Variants in PLB1 observed in about 807,000 individuals in gnomAD.
PLB1 encodes phospholipase B1, membrane-associated.
A neutral mutation model predicts 227.4 loss-of-function variants in PLB1; 242 were observed. The ratio of observed to expected loss-of-function variants is 1.06; its 90% CI spans 0.96 to 1.18. PLB1 has a LOEUF of 1.18. Among genes scored for constraint, PLB1 ranks in the 50% most tolerant of loss-of-function variants. PLB1 has a pLI of 0.00. For missense variants in PLB1, 1,858 were observed against 1,816.3 expected (o/e 1.02, Z -0.42); for synonymous variants, 757 against 682.2 (o/e 1.11, Z -1.71).
At chr2:28,614,459 G>A (rs565671790) in intron 44 of PLB1, among the ~76,000 whole-genome samples, 16 of 152,316 alleles carry the variant, frequency 1.1e-4, no homozygotes, top group Admixed American at 9.8e-4. Flanking sequence ...GGCTGAGTGG[G>A]AGGGAACTAC....
intron 1 of PLB1, among the ~76,000 whole-genome samples, chr2:28,511,207 A>G (rs544311288): frequency 1.3e-5 from 2 of 152,270 alleles, no homozygotes; most frequent in South Asian, 4.1e-4. Flanking sequence ...AAAATATATT[A>G]TTTTTATTTA....
At chr2:28,498,340 C>T (rs1188609722) in intron 1 of PLB1, among the ~76,000 whole-genome samples, 1 of 151,688 alleles carries the variant, frequency 6.6e-6, no homozygotes, top group Non-Finnish European at 1.5e-5. Context: ...CCTCCCACCT[C>T]AGCCTCCCAA....
intron 1 of PLB1, 129 bp from the exon 2 acceptor site, chr2:28,516,679 T>G: frequency 1.3e-6 from 1 of 768,972 alleles, no homozygotes; most frequent in South Asian, 1.8e-5. Context: ...GAATCTGGGC[T>G]TCCCTAACAC....
At chr2:28,581,941 A>T in intron 23 of PLB1, 127 bp from the exon 24 acceptor site, 1 of 805,050 alleles carries the variant, frequency 1.2e-6, no homozygotes. Flanking sequence ...AGCCCGGGAG[A>T]CAGAGTGAGA....
chr2:28,575,311 C>G (rs1204679885), intron 21 of PLB1, among the ~76,000 whole-genome samples: 1 of 152,076 alleles, frequency 6.6e-6, no homozygotes, highest in Non-Finnish European at 1.5e-5. Flanking sequence ...TGTATATCTT[C>G]TTTTTAGAAT....
intron 21 of PLB1, among the ~76,000 whole-genome samples, chr2:28,573,597 C>A (rs999333841): frequency 6.6e-6 from 1 of 152,228 alleles, no homozygotes; most frequent in East Asian, 1.9e-4. Context: ...TAAGCAGGCT[C>A]ACTCTGCGTC....
chr2:28,547,465 CTT>C lies in PLB1; in HGVS notation c.937-1393_937-1392del, dbSNP rs1395162495. 2.0e-5 allele frequency among the ~76,000 whole-genome samples: 3 copies of C among 152,234 alleles called. No individual in the cohort carries two copies. The East Asian group carries it at 5.8e-4, about 29-fold the overall frequency. On this transcript the variant is annotated intron_variant, in intron 14 of 57. Transcript: ENST00000327757. ...TAATTATACCTCCTTATCTGATTCT[CTT>C]TCAGTCTGGCTGAAGAGCCAATTCC...
chr2:28,590,170 GC>G, intron 29 of PLB1, 94 bp downstream of exon 29: 1 of 1,087,654 alleles, frequency 9.2e-7, no homozygotes. Context: ...AGCTCTGCCT[GC>G]CCACCCACCC....
At chr2:28,574,334 T>TTAC (rs1678523325) in intron 21 of PLB1, among the ~76,000 whole-genome samples, 1 of 43,406 alleles carries the variant, frequency 2.3e-5, no homozygotes, top group African/African-American at 6.9e-5. Context: ...CTTTAATCCC[T>TTAC]CACCCCCCCC....
chr2:28,504,382 C>T (rs548744981), intron 1 of PLB1, among the ~76,000 whole-genome samples: 13 of 152,122 alleles, frequency 8.5e-5, no homozygotes, highest in Middle Eastern at 6.8e-3. Flanking sequence ...GGTTTCTTAC[C>T]AAATTGGTAA....
At chr2:28,625,648 C>G (rs1310535552) in intron 50 of PLB1, among the ~76,000 whole-genome samples, 1 of 152,142 alleles carries the variant, frequency 6.6e-6, no homozygotes, top group African/African-American at 2.4e-5. Context: ...CCACGCTGGG[C>G]TCTTCCTCCA....
Position 28,496,727 on chromosome 2 carries a change from C to G in PLB1, c.55+558C>G, listed in dbSNP as rs185227378. 3.3e-5 allele frequency among the ~76,000 whole-genome samples: 5 copies of G among 152,326 alleles called. No individual in the cohort carries two copies. The East Asian group carries it at 5.8e-4, about 18-fold the overall frequency. ...AACCAGCCAGGGCTTTCCATTCCCCCCAACATTAATGACTGTGGGTAGATT... is the reference window on the plus strand; with the variant it reads ...AACCAGCCAGGGCTTTCCATTCCCCGCAACATTAATGACTGTGGGTAGATT... On this transcript the variant is annotated intron_variant, in intron 1 of 57. Transcript: ENST00000327757.
intron 20 of PLB1, among the ~76,000 whole-genome samples, chr2:28,568,220 G>T (rs1210503642): frequency 4.6e-5 from 7 of 152,178 alleles, no homozygotes; most frequent in African/African-American, 1.4e-4. Flanking sequence ...GATGGTTCAG[G>T]GTGCTTTTGT....
chr2:28,564,648 G>C (rs1329281066), intron 18 of PLB1, among the ~76,000 whole-genome samples: 2 of 152,194 alleles, frequency 1.3e-5, no homozygotes, highest in Non-Finnish European at 2.9e-5. Flanking sequence ...AGGTAGCAAA[G>C]GAACTGGGCA....
intron 23 of PLB1, among the ~76,000 whole-genome samples, chr2:28,581,749 C>G (rs1443059513): frequency 1.3e-5 from 2 of 151,986 alleles, no homozygotes; most frequent in Non-Finnish European, 2.9e-5. Context: ...GGATGGATCA[C>G]TTGAGCCCAG....
chr2:28,591,225 TG>T, intron 30 of PLB1, 54 bp downstream of exon 30: 1 of 1,607,366 alleles, frequency 6.2e-7, no homozygotes, highest in South Asian at 1.1e-5. Flanking sequence ...GGGCAACCCC[TG>T]GGCTGGGACA....
At position 28,602,827 on chromosome 2, in the gene PLB1, A is replaced by C. The variant is rs763521821; in HGVS notation, c.2680A>C (p.Arg894=). ...ALDVLHREVP[R]VLVNLVDFLN... is the part of the protein sequence containing the mutation. Reference sequence around the variant, plus strand: ...TCTGCAGCTTTTCCCTTAGGTGCCCAGAGTCCTGGTCAACCTCGTGGACTT... The same window carrying C: ...TCTGCAGCTTTTCCCTTAGGTGCCCCGAGTCCTGGTCAACCTCGTGGACTT... Residue 894 remains arginine, a synonymous_variant, in exon 39 of 58, where the codon AGA becomes CGA. Transcript: ENST00000327757. The C allele has an allele frequency of 4.3e-6, 7 of 1,614,064 alleles. No homozygotes were observed. The East Asian group carries it at 1.6e-4, about 36-fold the overall frequency.
At chr2:28,569,653 A>G (rs1228192632) in intron 20 of PLB1, among the ~76,000 whole-genome samples, 1 of 152,204 alleles carries the variant, frequency 6.6e-6, no homozygotes, top group Non-Finnish European at 1.5e-5. Context: ...CAAACTACTG[A>G]AATTGAATCC....
intron 6 of PLB1, among the ~76,000 whole-genome samples, chr2:28,526,484 G>C (rs1210645679): frequency 6.6e-6 from 1 of 152,108 alleles, no homozygotes; most frequent in African/African-American, 2.4e-5. Context: ...TTAGCATTTT[G>C]GCCTTTTGAT....
Sources: gnomAD v4.1 joint callset for allele counts (sites outside exome capture counted in the v4.1 genomes callset) on GRCh38, gnomAD v4.1.1 for gene constraint, MANE v1.5 for transcripts, NCBI Gene and HGNC (gene_info 2026-07-23, HGNC 2026-07-21) for gene names.